The following CDC42BPG variants were observed in gnomAD, a reference collection of about 807,000 sequenced individuals.
The protein encoded by CDC42BPG is serine/threonine-protein kinase MRCK gamma.
A neutral mutation model predicts 192.2 loss-of-function variants in CDC42BPG; 157 were observed. That is an observed-to-expected ratio of 0.82 (90% CI 0.72 to 0.93). The LOEUF is 0.93. Among genes scored for constraint, CDC42BPG ranks in the 40% least tolerant of loss-of-function variants. The probability of loss-of-function intolerance (pLI) is 0.00; values close to 1 mark genes in which losing one functional copy is unlikely to be tolerated. For synonymous variants in CDC42BPG, 981 were observed against 918.5 expected, an observed-to-expected ratio of 1.07 and a Z score of -1.23; for missense variants, 1,992 against 2,122.1, an observed-to-expected ratio of 0.94 and a Z score of 1.20.
In CDC42BPG at chr11:64,839,496, ACG is replaced by A; in HGVS notation, c.655_656del (p.Arg219SerfsTer22). The A allele has an allele frequency of 6.2e-7, 1 of 1,613,180 alleles. No individual in the cohort carries two copies. The highest frequency in any genetic ancestry group is 8.5e-7 in the Non-Finnish European group (1 of 1,179,966). ...IRLADFGSCL[R>X]LNTNGMVDSS... ...TCCTTACCATGCCGTTGGTGTTGAGACGCAGGCAGGAGCCGAAGTCAGCCAGG... is the reference window on the plus strand; with the variant it reads ...TCCTTACCATGCCGTTGGTGTTGAGACAGGCAGGAGCCGAAGTCAGCCAGG... On this transcript the variant is annotated frameshift_variant, in exon 6 of 37. Transcript: ENST00000342711. LOFTEE classifies it high-confidence loss of function.
Position 64,836,716 on chromosome 11 carries a change from G to T in CDC42BPG, c.1384+23C>A, listed in dbSNP as rs533865752. 15 of 869,302 alleles carry T rather than the reference G, an allele frequency of 1.7e-5. 2 individuals are homozygous for T. Among genetic ancestry groups the T allele is most frequent in the African/African-American group, 8.8e-5 (5 of 56,710 alleles). The allele number at this position is 869,302 out of a possible 1,614,324, so 53.8% of individuals were successfully genotyped here. On this transcript the variant is annotated intron_variant, in intron 11 of 36. Coordinates refer to ENST00000342711, the MANE Select transcript of CDC42BPG (RefSeq NM_017525.3). ...GGTGGGACTCAGCCCTGGGGGGGGG[G>T]GGGGGGTGGGCGGAAGGGATACCTG...
Position 64,829,541 on chromosome 11 carries a change from G to A in CDC42BPG, c.3897C>T (p.Ile1299=), listed in dbSNP as rs755822718. The change falls in exon 30 of 37, where the codon ATC becomes ATT. Residue 1299 remains isoleucine, a synonymous_variant. Transcript: ENST00000342711. The part of the protein sequence containing the change: ...EFLLLFTTAG[I]YVDGAGRKSR... ...ACTTGCGGCCTGCGCCATCCACGTAGATGCCAGCAGTGGTGAAGAGTAGCA... is the reference window on the plus strand; with the variant it reads ...ACTTGCGGCCTGCGCCATCCACGTAAATGCCAGCAGTGGTGAAGAGTAGCA... The A allele has an allele frequency of 5.6e-6, 9 of 1,612,976 alleles. No individual in the cohort carries two copies. The Admixed American group carries it at 8.3e-5, about 15-fold the overall frequency.
chr11:64,844,180 T>C (rs1428086512), intron 1 of CDC42BPG, among the ~76,000 whole-genome samples: 1 of 151,882 alleles, frequency 6.6e-6, no homozygotes, highest in Non-Finnish European at 1.5e-5. Flanking sequence ...TGTGTGCATG[T>C]GTCGGGGTCT....
chr11:64,836,004 G>A (rs71539676), intron 13 of CDC42BPG, 113 bp downstream of exon 13: 2 of 1,364,718 alleles, frequency 1.5e-6, no homozygotes, highest in East Asian at 2.5e-5. Context: ...CCCTGGCCTA[G>A]CCTCTGCCAG....
chr11:64,827,797 A>T lies in CDC42BPG; in HGVS notation c.3968-14T>A. 1 of 1,590,694 alleles carries T rather than the reference A, an allele frequency of 6.3e-7. No homozygotes were observed. Among genetic ancestry groups the T allele is most frequent in the South Asian group, 1.1e-5 (1 of 87,664 alleles). ...GGGCCGCATACCCTGCGGGCACGCC[A>T]GGCACCTCTGAGCTGTTTCCCCCTC... On this transcript the variant is annotated splice_polypyrimidine_tract_variant and intron_variant, in intron 30 of 36. Transcript: ENST00000342711.
rs2097616 is a variant in CDC42BPG at position 64,839,793 on chromosome 11, C to G, written c.582-222G>C. Among the ~76,000 whole-genome samples, 90 of 152,280 alleles carry G rather than the reference C, an allele frequency of 5.9e-4. No individual in the cohort carries two copies. In the South Asian group the frequency reaches 0.018, roughly 31 times the overall value. On this transcript the variant is annotated intron_variant, in intron 5 of 36. Coordinates refer to ENST00000342711, the MANE Select transcript of CDC42BPG (RefSeq NM_017525.3). ...GTAGAAAGGATGTGTGGGGACAACC[C>G]TTGGAGGTGGCAGAGTGTGCTATGG...
In CDC42BPG at chr11:64,844,413, A is replaced by G; in HGVS notation, c.157T>C (p.Trp53Arg). Residue 53 changes from tryptophan (W) to arginine (R), a missense_variant, in exon 1 of 37, where the codon TGG becomes CGG. By Grantham distance (101) the Trp-to-Arg change is moderately radical. Coordinates refer to ENST00000342711, the MANE Select transcript of CDC42BPG (RefSeq NM_017525.3). Reference protein sequence around the residue: ...RERSVAQFLSWASPFVSKVKE... With the variant: ...RERSVAQFLSRASPFVSKVKE... ...TCCGTGCCGCCCCGCCACTCACCCC[A>G]GCTCAGGAACTGCGCCACGCTGCGC... 1 of 1,463,422 alleles carries G rather than the reference A, an allele frequency of 6.8e-7. No individual in the cohort carries two copies. Among genetic ancestry groups the G allele is most frequent in the South Asian group, 1.3e-5 (1 of 75,334 alleles). 90.7% of individuals were successfully genotyped at this position (1,463,422 alleles called of 1,614,324 possible).
Position 64,835,083 on chromosome 11 carries a change from C to T in CDC42BPG, c.2024G>A (p.Ser675Asn), listed in dbSNP as rs780390067. The T allele has an allele frequency of 7.2e-7, 1 of 1,394,088 alleles. No individual in the cohort carries two copies. Among genetic ancestry groups the T allele is most frequent in the Admixed American group, 1.9e-5 (1 of 53,170 alleles). 86.4% of individuals were successfully genotyped at this position (1,394,088 alleles called of 1,614,324 possible). A position where few individuals can be genotyped will look rare whatever the true frequency, so the allele number is the denominator to read the frequency against. ...RLEGERRETE[S>N]NWEAQLADIL... is the part of the protein sequence containing the mutation. ...GTCGGCGAGCTGGGCCTCCCAGTTG[C>T]TCTCCGTCTCCCGCCGCTCACCCTC... Residue 675 changes from serine (S) to asparagine (N), a missense_variant, in exon 17 of 37, where the codon AGC (serine) becomes AAC (asparagine). Transcript: ENST00000342711.
Position 64,839,467 on chromosome 11 carries a change from G to C in CDC42BPG, c.675+11C>G, listed in dbSNP as rs772948606. The stretch of plus-strand genomic sequence containing the variant: ...GTATCCCCTGCTCCCACTCTGGGGC[G>C]GGGTCCTTACCATGCCGTTGGTGTT... On this transcript the variant is annotated intron_variant, in intron 6 of 36. Coordinates refer to ENST00000342711, the MANE Select transcript of CDC42BPG (RefSeq NM_017525.3). 1 of 1,612,204 alleles carries C rather than the reference G, an allele frequency of 6.2e-7. No individual in the cohort carries two copies. Among genetic ancestry groups the C allele is most frequent in the Admixed American group, 1.7e-5 (1 of 59,946 alleles).
In CDC42BPG at chr11:64,826,787, T is replaced by C. The variant is rs371404482; in HGVS notation, c.4397A>G (p.Glu1466Gly). 5 of 1,501,462 alleles carry C rather than the reference T, an allele frequency of 3.3e-6. No individual in the cohort carries two copies. The highest frequency in any genetic ancestry group is 4.4e-6 in the Non-Finnish European group (5 of 1,127,566). The allele number at this position is 1,501,462 out of a possible 1,614,324, so 93.0% of individuals were successfully genotyped here. The change falls in exon 35 of 37, where the codon GAA becomes GGA. Residue 1466 changes from glutamate (E) to glycine (G), a missense_variant. Transcript: ENST00000342711. ...GCCGCGGGCAACTCGGCCCTTCTCTTCGGGAGCCTGTTGGGTGACAGTGCG... is the reference window on the plus strand; with the variant it reads ...GCCGCGGGCAACTCGGCCCTTCTCTCCGGGAGCCTGTTGGGTGACAGTGCG... The part of the protein sequence containing the change: ...PGARDKSPAP[E>G]EKGRVARGSG...
intron 24 of CDC42BPG, 86 bp from the exon 25 acceptor site, chr11:64,833,045 T>C: frequency 6.9e-7 from 1 of 1,451,828 alleles, no homozygotes; most frequent in Non-Finnish European, 9.2e-7. Context: ...AGAGCCAGCT[T>C]CCCTGAAGCC....
intron 10 of CDC42BPG, 47 bp from the exon 11 acceptor site, chr11:64,836,866 G>T (rs368096635): frequency 6.2e-6 from 10 of 1,608,838 alleles, no homozygotes; most frequent in Non-Finnish European, 8.5e-6. Context: ...CTCCATTCCC[G>T]CAGCAGCAGC....
rs1943021555 is a variant in CDC42BPG, at chr11:64,836,714, GGGGGGGGGT to G, written c.1384+16_1384+24del. 4 of 866,538 alleles carry G rather than the reference GGGGGGGGGT, an allele frequency of 4.6e-6. No individual in the cohort carries two copies. Among genetic ancestry groups the G allele is most frequent in the Non-Finnish European group, 5.0e-6 (3 of 601,318 alleles). The allele number at this position is 866,538 out of a possible 1,614,324, so 53.7% of individuals were successfully genotyped here. ...CAGGTGGGACTCAGCCCTGGGGGGG[GGGGGGGGGT>G]GGGCGGAAGGGATACCTGGCAGCCT... On this transcript the variant is annotated intron_variant, in intron 11 of 36. Transcript: ENST00000342711.
chr11:64,839,989 C>T, intron 5 of CDC42BPG, 131 bp downstream of exon 5: 1 of 918,618 alleles, frequency 1.1e-6, no homozygotes, highest in East Asian at 2.7e-5. Flanking sequence ...CAAGGAAGCA[C>T]ACGGATGAGG....
rs1299929562 is a variant in CDC42BPG, at chr11:64,838,806, G to A, written c.973C>T (p.Arg325Cys). ...TTCCGGAAGTCATCCAGCCCACCAC[G>A]GCCTAGCCGCTCTTCCTGGCGACAC... is the stretch of plus-strand genomic sequence containing the variant. Reference protein sequence around the residue: ...LLCRQEERLGRGGLDDFRNHP... With the variant: ...LLCRQEERLGCGGLDDFRNHP... Residue 325 changes from arginine to cysteine, a missense_variant, in exon 8 of 37, where the codon CGT becomes TGT. Around this residue, in one of 2 missense-constraint regions of CDC42BPG, gnomAD observed 1,656 missense variants for 1,844.3 expected, o/e 0.90. Transcript: ENST00000342711. 13 of 1,612,638 alleles carry A rather than the reference G, an allele frequency of 8.1e-6. No individual in the cohort carries two copies. The highest frequency in any genetic ancestry group is 2.2e-5 in the East Asian group (1 of 44,886).
At chr11:64,831,096 C>T (rs184690034) in intron 28 of CDC42BPG, among the ~76,000 whole-genome samples, 5 of 152,216 alleles carry the variant, frequency 3.3e-5, no homozygotes, top group Non-Finnish European at 7.4e-5. Flanking sequence ...TGCATGCCTG[C>T]AATCCCAGCT....
chr11:64,836,720 G>GGGGTGGGC lies in CDC42BPG; in HGVS notation c.1384+18_1384+19insGCCCACCC. 2.4e-6 allele frequency: 2 copies of GGGGTGGGC among 843,820 alleles called. No homozygotes were observed. The highest frequency in any genetic ancestry group is 3.4e-6 in the Non-Finnish European group (2 of 584,544). 52.3% of individuals were successfully genotyped at this position (843,820 alleles called of 1,614,324 possible). ...GGACTCAGCCCTGGGGGGGGGGGGG[G>GGGGTGGGC]GGTGGGCGGAAGGGATACCTGGCAG... On this transcript the variant is annotated intron_variant, in intron 11 of 36. Transcript: ENST00000342711.
intron 3 of CDC42BPG, among the ~76,000 whole-genome samples, 179 bp downstream of exon 3, chr11:64,841,471 A>T (rs564310643): frequency 1.1e-4 from 17 of 152,120 alleles, no homozygotes; most frequent in Non-Finnish European, 1.9e-4. Flanking sequence ...AAAAAAATTT[A>T]AAAAATTAAA....
chr11:64,837,137 G>A (rs540572161), intron 9 of CDC42BPG, 118 bp from the exon 10 acceptor site: 21 of 890,444 alleles, frequency 2.4e-5, no homozygotes, highest in African/African-American at 2.1e-4. Flanking sequence ...CCCTGCCCTC[G>A]GGAGACCCCA....
Sources: gnomAD v4.1 joint callset for allele counts (sites outside exome capture counted in the v4.1 genomes callset) on GRCh38, gnomAD v4.1.1 for gene constraint, gnomAD v4.1.1 regional missense constraint, MANE v1.5 for transcripts, NCBI Gene and HGNC (gene_info 2026-07-23, HGNC 2026-07-21) for gene names.